The following DIP2A variants were observed in gnomAD, a reference collection of about 807,000 sequenced individuals.
DIP2A encodes the protein DIP2 acetate--CoA ligase A, also known as disco-interacting protein 2 homolog A.
In DIP2A, 85 loss-of-function variants were observed where a neutral mutation model predicts 177.4. The observed-to-expected ratio is 0.48, with a 90% CI of 0.40 to 0.57. DIP2A has a LOEUF of 0.57. Ranked by LOEUF, DIP2A falls within the 20% of genes least tolerant of loss-of-function variation. DIP2A has a pLI of 0.00. For synonymous variants in DIP2A, 886 were observed against 881.8 expected (o/e 1.00, Z -0.08); for missense variants, 1,791 against 2,100.2 (o/e 0.85, Z 2.88).
In DIP2A at chr21:46,537,132, G is replaced by A; in HGVS notation, c.1643-92G>A. On this transcript the variant is annotated intron_variant, in intron 13 of 37. Coordinates refer to ENST00000417564, the MANE Select transcript of DIP2A (RefSeq NM_015151.4). This position sits in a 1 kb window ranked among gnomAD's most constrained non-coding sequence, Gnocchi z 4.1. ...TATCTGTTCCTGAAACTTACATGTT[G>A]ATGACGTACTCACCTCAGAATTTCT... The A allele has an allele frequency of 5.0e-6, 6 of 1,211,332 alleles. No individual in the cohort carries two copies. The highest frequency in any genetic ancestry group is 7.4e-6 in the Non-Finnish European group (6 of 813,440). The allele number at this position is 1,211,332 out of a possible 1,614,324, so 75.0% of individuals were successfully genotyped here.
downstream of DIP2A, among the ~76,000 whole-genome samples, chr21:46,573,517 C>CTGGGCATT (rs1022655952): frequency 6.6e-6 from 1 of 151,134 alleles, no homozygotes; most frequent in Non-Finnish European, 1.5e-5. Context: ...CAAAAATTAG[C>CTGGGCATT]TGGGCATTGT....
chr21:46,472,335 TTC>T (rs1415258273), intron 1 of DIP2A, among the ~76,000 whole-genome samples: 1 of 152,260 alleles, frequency 6.6e-6, no homozygotes, highest in Non-Finnish European at 1.5e-5. Context: ...CACTCTGGTA[TTC>T]TGTTACGGCA....
intron 13 of DIP2A, among the ~76,000 whole-genome samples, chr21:46,536,903 CAAA>C (rs10714360): frequency 3.9e-5 from 5 of 129,482 alleles, no homozygotes; most frequent in Admixed American, 1.6e-4. Flanking sequence ...GACTCTGTCT[CAAA>C]AAAAAAAAAA....
chr21:46,478,282 G>A (rs1004274379), intron 1 of DIP2A, among the ~76,000 whole-genome samples: 9 of 151,608 alleles, frequency 5.9e-5, no homozygotes, highest in African/African-American at 1.9e-4. Context: ...GCGCGATCCC[G>A]GCTCACAGCA....
rs961990366 is a variant in DIP2A, at chr21:46,490,655, G to C, written c.219G>C (p.Thr73=). 7.5e-6 allele frequency: 12 copies of C among 1,589,456 alleles called. No individual in the cohort carries two copies. Among genetic ancestry groups the C allele is most frequent in the African/African-American group, 2.7e-5 (2 of 74,466 alleles). ...GAATTCCTGGGCCCTCACAAACCAC[G>C]GCCGCTGCACCCAAGCAGCAGAAGT... The part of the protein sequence containing the change: ...ENRIPGPSQT[T]AAAPKQQKSR... The change falls in exon 3 of 38, where the codon ACG becomes ACC. Residue 73 remains threonine (T), a synonymous_variant. Transcript: ENST00000417564.
chr21:46,459,283 C>T (rs1365961090), intron 1 of DIP2A, 61 bp downstream of exon 1: 7 of 1,403,524 alleles, frequency 5.0e-6, no homozygotes, highest in African/African-American at 3.0e-5. Context: ...CCCGCGCAGC[C>T]CCTCACTCCG....
chr21:46,546,326 T>C (rs776144206), intron 20 of DIP2A: 4 of 1,039,358 alleles, frequency 3.8e-6, no homozygotes, highest in Non-Finnish European at 4.6e-6. Flanking sequence ...CCAGTGTTTC[T>C]CTCAACTGGG....
At chr21:46,572,740 C>A (rs1280309520), downstream of DIP2A, among the ~76,000 whole-genome samples, 4 of 152,174 alleles carry the variant, frequency 2.6e-5, no homozygotes. Context: ...TCATGTTTTT[C>A]TTATAATGTA....
chr21:46,515,870 C>T (rs189438283), intron 8 of DIP2A, among the ~76,000 whole-genome samples: 14 of 152,220 alleles, frequency 9.2e-5, no homozygotes, highest in African/African-American at 2.4e-4. Flanking sequence ...TTTAATCAAC[C>T]ATACATTTTT....
Position 46,563,757 on chromosome 21 carries a change from C to A in DIP2A, c.4090-101C>A. On this transcript the variant is annotated intron_variant, in intron 34 of 37. Coordinates refer to ENST00000417564, the MANE Select transcript of DIP2A (RefSeq NM_015151.4). The surrounding 1 kb of genome is among the most constrained non-coding windows in gnomAD (Gnocchi z 4.3). ...CTGACCTGACATGAGCACATCAGTC[C>A]TGCAGGCCAGCTTCTGAGGGACGTT... is the stretch of plus-strand genomic sequence containing the variant. 1.3e-6 allele frequency: 2 copies of A among 1,519,906 alleles called. No homozygotes were observed. The highest frequency in any genetic ancestry group is 1.8e-6 in the Non-Finnish European group (2 of 1,130,490). 94.2% of individuals were successfully genotyped at this position (1,519,906 alleles called of 1,614,324 possible). A position where few individuals can be genotyped will look rare whatever the true frequency, so the allele number is the denominator to read the frequency against.
At chr21:46,504,679 A>C (rs1159001041) in intron 6 of DIP2A, among the ~76,000 whole-genome samples, 190 bp downstream of exon 6, 1 of 152,262 alleles carries the variant, frequency 6.6e-6, no homozygotes, top group South Asian at 2.1e-4. Context: ...ATAATTGGAA[A>C]TATCAATGGA....
chr21:46,521,218 T>C (rs763601903), intron 8 of DIP2A, among the ~76,000 whole-genome samples: 24 of 152,130 alleles, frequency 1.6e-4, no homozygotes, highest in Non-Finnish European at 3.4e-4. Context: ...AGACGGAGTC[T>C]CACTCTGTCA....
At chr21:46,526,457 C>G (rs549505329) in intron 8 of DIP2A, among the ~76,000 whole-genome samples, 1 of 150,946 alleles carries the variant, frequency 6.6e-6, no homozygotes, top group Admixed American at 6.6e-5. Context: ...TGCAGTGGCA[C>G]GATCTTGGCT....
At chr21:46,459,334 C>T in intron 1 of DIP2A, 112 bp downstream of exon 1, 1 of 871,750 alleles carries the variant, frequency 1.1e-6, no homozygotes, top group Non-Finnish European at 1.6e-6. Context: ...CCCCGCCCTT[C>T]ACCCCCGGGA....
At position 46,504,456 on chromosome 21, in the gene DIP2A, G is replaced by A; in HGVS notation, c.751G>A (p.Gly251Arg). 1 of 1,612,712 alleles carries A rather than the reference G, an allele frequency of 6.2e-7. No homozygotes were observed. Among genetic ancestry groups the A allele is most frequent in the Non-Finnish European group, 8.5e-7 (1 of 1,179,144 alleles). Residue 251 changes from glycine (G) to arginine (R), a missense_variant, in exon 6 of 38, where the codon GGG (glycine) becomes AGG (arginine). Gly to Arg is a moderately radical substitution (Grantham distance 125, BLOSUM62 -2). Transcript: ENST00000417564. ...GGCTTCTGTGAGAAGTGTTCCTCGG[G>A]GGTGCAGCGGGAGCATGCTGGAAAC... ...QVASVRSVPR[G>R]CSGSMLETAD...
intron 21 of DIP2A, among the ~76,000 whole-genome samples, chr21:46,548,549 A>G (rs2060150350): frequency 6.6e-6 from 1 of 152,252 alleles, no homozygotes; most frequent in African/African-American, 2.4e-5. Flanking sequence ...AAATGCTAAC[A>G]AAGTAATTGT....
intron 1 of DIP2A, among the ~76,000 whole-genome samples, chr21:46,461,065 G>A (rs1248230731): frequency 1.3e-5 from 2 of 151,764 alleles, no homozygotes; most frequent in East Asian, 3.9e-4. Context: ...CCAACACTTT[G>A]GGAGGCCACG....
At chr21:46,494,139 G>A (rs1306779142) in intron 3 of DIP2A, among the ~76,000 whole-genome samples, 1 of 152,152 alleles carries the variant, frequency 6.6e-6, no homozygotes, top group African/African-American at 2.4e-5. Flanking sequence ...CAAATATTCA[G>A]CCAATGTTCA....
In DIP2A at chr21:46,498,715, T is replaced by G; in HGVS notation, c.537T>G (p.Ser179=). 6.2e-7 allele frequency: 1 copy of G among 1,613,920 alleles called. No individual in the cohort carries two copies. Among genetic ancestry groups the G allele is most frequent in the African/African-American group, 1.3e-5 (1 of 75,056 alleles). The change falls in exon 5 of 38, where the codon TCT becomes TCG. Residue 179 remains serine, a synonymous_variant. Coordinates refer to ENST00000417564, the MANE Select transcript of DIP2A (RefSeq NM_015151.4). The surrounding 1 kb of genome is among the most constrained non-coding windows in gnomAD (Gnocchi z 4.3). Reference sequence around the variant, plus strand: ...TTCAGGGCTCGTCCACCTCATCCTCTGCATCCTCCACCTCATCTCACCCGG... The same window carrying G: ...TTCAGGGCTCGTCCACCTCATCCTCGGCATCCTCCACCTCATCTCACCCGG... The part of the protein sequence containing the change: ...RVIQGSSTSS[S]ASSTSSHPGG...
Sources: gnomAD v4.1 joint callset for allele counts (sites outside exome capture counted in the v4.1 genomes callset) on GRCh38, gnomAD v4.1.1 for gene constraint, Gnocchi (gnomAD v3.1) non-coding constraint, MANE v1.5 for transcripts, NCBI Gene and HGNC (gene_info 2026-07-23, HGNC 2026-07-21) for gene names.